Variants in HIF1A observed in about 807,000 individuals in gnomAD.
The protein encoded by HIF1A is hypoxia inducible factor 1 subunit alpha.
In HIF1A, 24 loss-of-function variants were observed where a neutral mutation model predicts 92.7. The observed-to-expected ratio is 0.26, with a 90% CI of 0.19 to 0.36. The LOEUF (loss-of-function observed/expected upper bound fraction) is 0.36, where lower values mean the gene tolerates loss of function less well. Among genes scored for constraint, HIF1A ranks in the 10% least tolerant of loss-of-function variants. The pLI is 1.00. For missense variants in HIF1A, 799 were observed against 998.5 expected (o/e 0.80, Z 2.69); for synonymous variants, 319 against 338.7 (o/e 0.94, Z 0.64).
At chr14:61,729,705 CAAAGT>C (rs561138906) in intron 6 of HIF1A, among the ~76,000 whole-genome samples, 38 of 151,896 alleles carry the variant, frequency 2.5e-4, no homozygotes, top group African/African-American at 9.2e-4. Context: ...CTTAAGGTAA[CAAAGT>C]AGAGAGGAGG....
At chr14:61,727,709 C>T (rs2140143051) in intron 6 of HIF1A, 54 bp downstream of exon 6, 1 of 1,254,522 alleles carries the variant, frequency 8.0e-7, no homozygotes, top group East Asian at 2.3e-5. Flanking sequence ...TACAGCATTA[C>T]TGAATATTCA....
chr14:61,743,520 T>G (rs1322662584), intron 12 of HIF1A, among the ~76,000 whole-genome samples: 1 of 152,246 alleles, frequency 6.6e-6, no homozygotes, highest in Non-Finnish European at 1.5e-5. Flanking sequence ...TGAGTTACAT[T>G]TCATAAAGAC....
chr14:61,707,773 G>A (rs2044258293), intron 1 of HIF1A, among the ~76,000 whole-genome samples: 2 of 151,200 alleles, frequency 1.3e-5, no homozygotes, highest in South Asian at 4.2e-4. Flanking sequence ...ACATACGTGT[G>A]CATGTGTCTT....
intron 1 of HIF1A, among the ~76,000 whole-genome samples, chr14:61,713,964 C>T (rs1251234904): frequency 2.0e-5 from 3 of 152,078 alleles, no homozygotes; most frequent in South Asian, 2.1e-4. Flanking sequence ...CCTCCTCTCC[C>T]GATAGGGTTG....
chr14:61,723,309 A>C (rs557729788), intron 4 of HIF1A, among the ~76,000 whole-genome samples: 77 of 152,200 alleles, frequency 5.1e-4, no homozygotes, highest in African/African-American at 1.8e-3. Context: ...CTGTGAAGTT[A>C]ACTGTTAGAC....
At chr14:61,732,926 T>C (rs1202440686) in intron 7 of HIF1A, among the ~76,000 whole-genome samples, 1 of 152,210 alleles carries the variant, frequency 6.6e-6, no homozygotes, top group African/African-American at 2.4e-5. Context: ...TTTTAAAAAA[T>C]GCTTATAAGT....
rs1206996164 is a variant in HIF1A at position 61,748,247 on chromosome 14, C to T, written c.*1162C>T. 1 of 152,492 alleles carries T rather than the reference C, an allele frequency of 6.6e-6. No homozygotes were observed. Among genetic ancestry groups the T allele is most frequent in the African/African-American group, 2.4e-5 (1 of 41,414 alleles). The allele number at this position is 152,492 out of a possible 1,614,324, so 9.4% of individuals were successfully genotyped here. A position where few individuals can be genotyped will look rare whatever the true frequency, so the allele number is the denominator to read the frequency against. ...TTTTGTTACATCAAATAAACATCTT[C>T]TGTGGACCAGGCCCCTTTGATCAGC... On this transcript the variant is annotated 3_prime_UTR_variant, in exon 15 of 15. Transcript: ENST00000337138.
At chr14:61,740,475 A>G (rs2044695996) in intron 10 of HIF1A, 30 bp from the exon 11 acceptor site, 1 of 1,515,066 alleles carries the variant, frequency 6.6e-7, no homozygotes, top group East Asian at 2.3e-5. Flanking sequence ...AAGCTTCTTC[A>G]GGAAATAGTA....
chr14:61,726,721 G>C lies in HIF1A; in HGVS notation c.473G>C (p.Gly158Ala), dbSNP rs1444557102. ...CTTTCATTAGGCCTTGTGAAAAAGG[G>C]TAAAGAACAAAACACACAGCGAAGC... ...LTHRNGLVKK[G>A]KEQNTQRSFF... is the part of the protein sequence containing the mutation. Residue 158 changes from glycine to alanine, a missense_variant, in exon 5 of 15, where the codon GGT (glycine) becomes GCT (alanine). Gly to Ala is a moderately conservative substitution (Grantham distance 60). This residue lies in a region of HIF1A where 516 missense variants were observed against 721.0 expected (regional missense o/e 0.72). Transcript: ENST00000337138. 2 of 1,600,632 alleles carry C rather than the reference G, an allele frequency of 1.2e-6. No individual in the cohort carries two copies. Among genetic ancestry groups the C allele is most frequent in the Non-Finnish European group, 1.7e-6 (2 of 1,174,188 alleles).
At chr14:61,722,173 G>A (rs745526379) in intron 4 of HIF1A, among the ~76,000 whole-genome samples, 3 of 151,196 alleles carry the variant, frequency 2.0e-5, no homozygotes, top group African/African-American at 2.4e-5. Flanking sequence ...AGCCTTGACC[G>A]CTGGGACTCA....
intron 14 of HIF1A, 36 bp downstream of exon 14, chr14:61,745,853 G>A: frequency 6.5e-7 from 1 of 1,528,804 alleles, no homozygotes; most frequent in Non-Finnish European, 9.0e-7. Flanking sequence ...ACATCACAAA[G>A]ACAAAATACA....
Position 61,740,624 on chromosome 14 carries a change from T to G in HIF1A, c.1656T>G (p.Thr552=). The part of the protein sequence containing the change: ...EDTEAKNPFS[T]QDTDLDLEML... ...CAGAAGCAAAGAACCCATTTTCTAC[T>G]CAGGTATATGAACTTATTTGTTTTA... The change falls in exon 11 of 15, where the codon ACT becomes ACG. Residue 552 remains threonine (T), a synonymous_variant. Transcript: ENST00000337138. 6.3e-7 allele frequency: 1 copy of G among 1,597,302 alleles called. No homozygotes were observed.
chr14:61,732,632 G>C (rs1448910742), intron 7 of HIF1A, 108 bp downstream of exon 7: 5 of 656,422 alleles, frequency 7.6e-6, no homozygotes, highest in Non-Finnish European at 1.4e-5. Context: ...TAGACTAAAT[G>C]TGTTAACAGG....
chr14:61,710,116 T>A (rs759702522), intron 1 of HIF1A, among the ~76,000 whole-genome samples: 2 of 152,180 alleles, frequency 1.3e-5, no homozygotes, highest in South Asian at 4.1e-4. Context: ...GGAATCATAC[T>A]CAATTTTTTT....
rs573659039 is a variant in HIF1A at position 61,729,919 on chromosome 14, C to A, written c.773+2264C>A. 2.0e-5 allele frequency among the ~76,000 whole-genome samples: 3 copies of A among 152,256 alleles called. No individual in the cohort carries two copies. The East Asian group carries it at 5.8e-4, about 29-fold the overall frequency. On this transcript the variant is annotated intron_variant, in intron 6 of 14. Coordinates refer to ENST00000337138, the MANE Select transcript of HIF1A (RefSeq NM_001530.4). ...TAGAGCTCTTTCCAGGAACTTCTTG[C>A]ATCTATAACCCCTGAGAACCAAGCT...
intron 1 of HIF1A, among the ~76,000 whole-genome samples, chr14:61,708,267 G>A (rs369198104): frequency 6.6e-6 from 1 of 152,258 alleles, no homozygotes; most frequent in South Asian, 2.1e-4. Flanking sequence ...TGTTCACTCT[G>A]ATGGTAGTTT....
intron 4 of HIF1A, among the ~76,000 whole-genome samples, chr14:61,725,082 C>A (rs1251900266): frequency 6.6e-6 from 1 of 152,154 alleles, no homozygotes; most frequent in Admixed American, 6.6e-5. Flanking sequence ...CCTTGGAATA[C>A]CCTTCTAACC....
intron 1 of HIF1A, among the ~76,000 whole-genome samples, chr14:61,719,891 G>A (rs2044406258): frequency 6.6e-6 from 1 of 152,144 alleles, no homozygotes; most frequent in Admixed American, 6.6e-5. Context: ...GAAAGTACTG[G>A]AGTCTAAAGA....
In HIF1A at chr14:61,727,474, A is replaced by C. The variant is rs1253672869; in HGVS notation, c.592A>C (p.Ile198Leu). Residue 198 changes from isoleucine (I) to leucine (L), a missense_variant, in exon 6 of 15, where the codon ATT becomes CTT. This residue lies in a region of HIF1A where 516 missense variants were observed against 721.0 expected (regional missense o/e 0.72). Transcript: ENST00000337138. Reference protein sequence around the residue: ...TWKVLHCTGHIHVYDTNSNQP... With the variant: ...TWKVLHCTGHLHVYDTNSNQP... ...ACAGGTATTGCACTGCACAGGCCAC[A>C]TTCACGTATATGATACCAACAGTAA... 1 of 1,613,626 alleles carries C rather than the reference A, an allele frequency of 6.2e-7. No individual in the cohort carries two copies. Among genetic ancestry groups the C allele is most frequent in the Non-Finnish European group, 8.5e-7 (1 of 1,179,696 alleles).
Sources: allele counts gnomAD v4.1 joint callset (sites outside exome capture counted in the v4.1 genomes callset), GRCh38; gene constraint gnomAD v4.1.1; regional missense constraint gnomAD v4.1.1; transcripts MANE v1.5; gene names NCBI Gene and HGNC (gene_info 2026-07-23, HGNC 2026-07-21).